The following SCRG1 variants were observed in gnomAD, a reference collection of about 807,000 sequenced individuals.
SCRG1 encodes the protein stimulator of chondrogenesis 1, also known as scrapie-responsive protein 1.
SCRG1 carries 3 observed loss-of-function variants against 7.7 expected under a neutral mutation model. That is an observed-to-expected ratio of 0.39 (90% CI 0.18 to 1.01). SCRG1 has a LOEUF of 1.01. SCRG1 is among the 50% of genes least tolerant of loss of function. The probability of loss-of-function intolerance (pLI) is 0.36; values close to 1 mark genes in which losing one functional copy is unlikely to be tolerated. For missense variants in SCRG1, 110 were observed against 117.2 expected, an observed-to-expected ratio of 0.94 and a Z score of 0.28; for synonymous variants, 46 against 41.2, an observed-to-expected ratio of 1.12 and a Z score of -0.44.
chr4:173,515,386 T>C, the SCRG1 span, among the ~76,000 whole-genome samples: 2 of 150,656 alleles, frequency 1.3e-5, no homozygotes, highest in African/African-American at 4.9e-5. This position sits in a 1 kb window ranked among gnomAD's most constrained non-coding sequence, Gnocchi z 4.6. Context: ...AACAGGGTGA[T>C]AATAGAAGCA....
chr4:173,475,738 A>G, the SCRG1 span, among the ~76,000 whole-genome samples: 1 of 152,244 alleles, frequency 6.6e-6, no homozygotes, highest in African/African-American at 2.4e-5. Context: ...TGGTGTATAC[A>G]TACAACAGAA....
At chr4:173,471,138 G>GA in the SCRG1 span, among the ~76,000 whole-genome samples, 4 of 152,068 alleles carry the variant, frequency 2.6e-5, no homozygotes, top group Non-Finnish European at 4.4e-5. Context: ...GTCATAGTCA[G>GA]AAAAAAGAAA....
the SCRG1 span, among the ~76,000 whole-genome samples, chr4:173,480,909 A>AT: frequency 6.6e-6 from 1 of 151,962 alleles, no homozygotes; most frequent in Non-Finnish European, 1.5e-5. Context: ...GCATTGTATT[A>AT]TTTTTTCTAT....
intron 2 of SCRG1, among the ~76,000 whole-genome samples, 191 bp from the exon 3 acceptor site, chr4:173,388,586 G>C (rs1250108864): frequency 1.3e-5 from 2 of 152,182 alleles, no homozygotes; most frequent in Non-Finnish European, 2.9e-5. Flanking sequence ...TAATCGATTT[G>C]TCTACTTTCC....
chr4:173,455,385 G>C, the SCRG1 span, among the ~76,000 whole-genome samples: 1,859 of 152,262 alleles, frequency 0.012, 51 homozygotes, highest in African/African-American at 0.042. Context: ...TGAGAACGCT[G>C]GTGGTGTTTT....
upstream of SCRG1, among the ~76,000 whole-genome samples, chr4:173,401,749 A>C (rs1739767680): frequency 6.6e-6 from 1 of 152,212 alleles, no homozygotes; most frequent in African/African-American, 2.4e-5. Context: ...TTCCCCTAAG[A>C]AGCACATTTG....
chr4:173,447,303 A>G, the SCRG1 span, among the ~76,000 whole-genome samples: 2 of 152,302 alleles, frequency 1.3e-5, no homozygotes, highest in South Asian at 2.1e-4. Context: ...TGAGCGTTCC[A>G]CCTCATATCC....
chr4:173,397,786 T>C (rs1280239841), intron 1 of SCRG1, among the ~76,000 whole-genome samples: 1 of 152,206 alleles, frequency 6.6e-6, no homozygotes, highest in African/African-American at 2.4e-5. Context: ...CAAATGCTCA[T>C]ACAGGCAGCT....
At chr4:173,507,055 T>C in the SCRG1 span, among the ~76,000 whole-genome samples, 1 of 151,602 alleles carries the variant, frequency 6.6e-6, no homozygotes. This position sits in a 1 kb window ranked among gnomAD's most constrained non-coding sequence, Gnocchi z 4.4. Context: ...AGAGGAGGGG[T>C]GGGGGCATTG....
the SCRG1 span, among the ~76,000 whole-genome samples, chr4:173,494,423 G>A: frequency 6.6e-6 from 1 of 152,184 alleles, no homozygotes; most frequent in East Asian, 1.9e-4. Context: ...TGCGGAAGAA[G>A]AAAAAAGCAA....
At chr4:173,510,472 G>T in the SCRG1 span, among the ~76,000 whole-genome samples, 1 of 151,514 alleles carries the variant, frequency 6.6e-6, no homozygotes, top group Non-Finnish European at 1.5e-5. The surrounding 1 kb of genome is among the most constrained non-coding windows in gnomAD (Gnocchi z 5.7). Context: ...GAGCCACTTT[G>T]GTGCCTACCC....
upstream of SCRG1, among the ~76,000 whole-genome samples, chr4:173,399,946 G>A (rs893273156): frequency 3.9e-5 from 6 of 152,280 alleles, no homozygotes; most frequent in East Asian, 7.7e-4. Context: ...TGACAACTTC[G>A]GAGATTATAG....
chr4:173,497,354 G>T, the SCRG1 span, among the ~76,000 whole-genome samples: 2 of 152,148 alleles, frequency 1.3e-5, no homozygotes, highest in South Asian at 4.2e-4. Context: ...GACTTGGTGC[G>T]ACTTGTGGGT....
At chr4:173,486,327 A>G in the SCRG1 span, among the ~76,000 whole-genome samples, 1 of 152,170 alleles carries the variant, frequency 6.6e-6, no homozygotes, top group Non-Finnish European at 1.5e-5. Flanking sequence ...TTTTAACCTT[A>G]AATTCTTTCT....
chr4:173,506,927 TCTC>T, the SCRG1 span, among the ~76,000 whole-genome samples: 2 of 152,118 alleles, frequency 1.3e-5, no homozygotes, highest in East Asian at 1.9e-4. The surrounding 1 kb of genome is among the most constrained non-coding windows in gnomAD (Gnocchi z 5.3). Flanking sequence ...CTCGCTGTTT[TCTC>T]CTCCGCTCGC....
exon 2 of SCRG1, chr4:173,404,359 T>C (rs1348667935): frequency 6.6e-6 from 1 of 152,174 alleles, no homozygotes; most frequent in Admixed American, 6.5e-5. Flanking sequence ...CCTCCGTCCA[T>C]CTTCTGTTCA....
chr4:173,447,997 GGGAGACTGAGGCA>G, the SCRG1 span, among the ~76,000 whole-genome samples: 4 of 152,140 alleles, frequency 2.6e-5, no homozygotes, highest in East Asian at 5.8e-4. Context: ...CCATCTACTT[GGGAGACTGAGGCA>G]GGAGAATCAC....
At chr4:173,412,557 G>T in the SCRG1 span, among the ~76,000 whole-genome samples, 86 of 152,172 alleles carry the variant, frequency 5.7e-4, no homozygotes, top group Admixed American at 3.1e-3. Flanking sequence ...AATCCCCTCT[G>T]TTGGCCTGAG....
the SCRG1 span, among the ~76,000 whole-genome samples, chr4:173,487,832 G>A: frequency 1.3e-5 from 2 of 151,904 alleles, no homozygotes; most frequent in African/African-American, 4.8e-5. Flanking sequence ...GCTGGGCATG[G>A]TGGCTCATGC....
Sources: gnomAD v4.1 joint callset for allele counts (sites outside exome capture counted in the v4.1 genomes callset) on GRCh38, gnomAD v4.1.1 for gene constraint, Gnocchi (gnomAD v3.1) non-coding constraint, MANE v1.5 for transcripts, NCBI Gene and HGNC (gene_info 2026-07-23, HGNC 2026-07-21) for gene names.